PDE4B: variants seen among roughly 807,000 people sequenced by gnomAD.
PDE4B encodes the protein 3',5'-cyclic-AMP phosphodiesterase 4B.
A neutral mutation model predicts 82.2 loss-of-function variants in PDE4B; 20 were observed. That is an observed-to-expected ratio of 0.24 (90% CI 0.17 to 0.35). The LOEUF (loss-of-function observed/expected upper bound fraction) is 0.35. PDE4B is among the 10% of genes least tolerant of loss of function. PDE4B has a pLI of 1.00. For missense variants in PDE4B, 655 were observed against 907.2 expected, an observed-to-expected ratio of 0.72 and a Z score of 3.57; for synonymous variants, 320 against 318.9, an observed-to-expected ratio of 1.00 and a Z score of -0.04.
At chr1:66,006,378 T>C (rs1321120710) in intron 3 of PDE4B, among the ~76,000 whole-genome samples, 2 of 152,198 alleles carry the variant, frequency 1.3e-5, no homozygotes, top group African/African-American at 4.8e-5. Flanking sequence ...CAAGGAGCTT[T>C]AATCTGGGTA....
intron 7 of PDE4B, among the ~76,000 whole-genome samples, chr1:66,331,342 A>T (rs982223525): frequency 2.6e-5 from 4 of 152,226 alleles, no homozygotes; most frequent in Non-Finnish European, 5.9e-5. Context: ...TCTCAAAAAC[A>T]GTCGTGTATA....
chr1:65,793,465 T>C (rs1645596908), intron 1 of PDE4B, among the ~76,000 whole-genome samples: 1 of 152,214 alleles, frequency 6.6e-6, no homozygotes. Flanking sequence ...TCATCTTCTC[T>C]GCTTCGGCTT....
chr1:66,057,122 T>A (rs1397646208), intron 3 of PDE4B, among the ~76,000 whole-genome samples: 1 of 152,204 alleles, frequency 6.6e-6, no homozygotes, highest in African/African-American at 2.4e-5. Flanking sequence ...CAAATTTATT[T>A]ATAGGAGTCC....
chr1:66,352,299 G>A (rs543494302), intron 8 of PDE4B, among the ~76,000 whole-genome samples: 20 of 152,186 alleles, frequency 1.3e-4, no homozygotes, highest in Non-Finnish European at 1.6e-4. Context: ...ATTAGTTTAA[G>A]CCTGGGAAGG....
chr1:65,951,636 A>G (rs142689303), intron 3 of PDE4B, among the ~76,000 whole-genome samples: 44 of 152,202 alleles, frequency 2.9e-4, no homozygotes, highest in African/African-American at 1.0e-3. Context: ...CTCCACAACT[A>G]CTTGAAAAAT....
chr1:65,990,513 G>C (rs1313632924), intron 3 of PDE4B, among the ~76,000 whole-genome samples: 1 of 152,034 alleles, frequency 6.6e-6, no homozygotes, highest in Admixed American at 6.6e-5. Context: ...CTGGAGGAAA[G>C]TCCCAGCTTT....
At chr1:66,107,005 T>C (rs1645376656) in intron 3 of PDE4B, among the ~76,000 whole-genome samples, 1 of 148,962 alleles carries the variant, frequency 6.7e-6, no homozygotes, top group Non-Finnish European at 1.5e-5. Context: ...GCTCTTGCTT[T>C]TCTAGTTCTT....
At chr1:65,857,277 A>G (rs1646404027) in intron 1 of PDE4B, among the ~76,000 whole-genome samples, 1 of 152,150 alleles carries the variant, frequency 6.6e-6, no homozygotes. Flanking sequence ...GCCCTATACA[A>G]AGTAGTCTCA....
chr1:65,823,593 A>G (rs555074213), intron 1 of PDE4B, among the ~76,000 whole-genome samples: 74 of 152,080 alleles, frequency 4.9e-4, no homozygotes, highest in African/African-American at 1.8e-3. Context: ...CTGAGCATCC[A>G]GTCTCCCCAC....
At chr1:65,926,576 TA>T (rs377342738) in intron 3 of PDE4B, among the ~76,000 whole-genome samples, 19 of 152,346 alleles carry the variant, frequency 1.2e-4, no homozygotes, top group African/African-American at 4.1e-4. Flanking sequence ...TTATTTTATG[TA>T]GTAGATATTA....
chr1:66,240,418 C>G (rs1262404340), intron 3 of PDE4B, among the ~76,000 whole-genome samples: 2 of 152,162 alleles, frequency 1.3e-5, no homozygotes, highest in Non-Finnish European at 2.9e-5. Flanking sequence ...TTTACCACTA[C>G]CTGTATCTGA....
Position 66,367,951 on chromosome 1 carries a change from A to G in PDE4B, c.1548A>G (p.Ala516=). ...TTTTCTTTTTACCCAAGGTGTTAGC[A>G]ACTGATATGTCTAAACATATGAGCC... ...LRKMVIDMVL[A]TDMSKHMSLL... is the part of the protein sequence containing the mutation. Residue 516 remains alanine (A), a synonymous_variant, in exon 15 of 17, where the codon GCA becomes GCG. Coordinates refer to ENST00000341517, the MANE Select transcript of PDE4B (RefSeq NM_002600.4). 6.2e-7 allele frequency: 1 copy of G among 1,613,604 alleles called. No individual in the cohort carries two copies. The highest frequency in any genetic ancestry group is 8.5e-7 in the Non-Finnish European group (1 of 1,179,726).
intron 1 of PDE4B, among the ~76,000 whole-genome samples, chr1:65,896,154 C>G (rs1312467103): frequency 6.6e-6 from 1 of 151,772 alleles, no homozygotes; most frequent in Non-Finnish European, 1.5e-5. Context: ...AAAGACATAC[C>G]TGAGACTGGA....
intron 3 of PDE4B, among the ~76,000 whole-genome samples, chr1:66,115,388 A>G (rs1645575086): frequency 6.6e-6 from 1 of 152,118 alleles, no homozygotes; most frequent in Non-Finnish European, 1.5e-5. Flanking sequence ...ATTGAGACTC[A>G]CTATGATAGA....
intron 3 of PDE4B, among the ~76,000 whole-genome samples, chr1:66,215,806 T>C (rs1219415157): frequency 6.6e-6 from 1 of 152,100 alleles, no homozygotes; most frequent in Non-Finnish European, 1.5e-5. Flanking sequence ...GAGTTAGGCC[T>C]TGAAAGGAGA....
chr1:65,910,329 T>C (rs966861876), intron 1 of PDE4B, among the ~76,000 whole-genome samples: 4 of 152,180 alleles, frequency 2.6e-5, no homozygotes, highest in Non-Finnish European at 5.9e-5. Context: ...CTTGCCGACC[T>C]TTTCTCAAAG....
chr1:65,861,060 C>T (rs1047336917), intron 1 of PDE4B, among the ~76,000 whole-genome samples: 5 of 152,124 alleles, frequency 3.3e-5, no homozygotes, highest in African/African-American at 1.2e-4. Flanking sequence ...AATTAGATCC[C>T]TTTTGTCAAT....
intron 3 of PDE4B, among the ~76,000 whole-genome samples, chr1:66,149,565 C>G (rs1004211852): frequency 6.6e-6 from 1 of 152,144 alleles, no homozygotes; most frequent in Non-Finnish European, 1.5e-5. Flanking sequence ...CTTTCTTCTG[C>G]AACTTAAGGT....
chr1:65,850,442 G>A (rs548491335), intron 1 of PDE4B, among the ~76,000 whole-genome samples: 3 of 152,180 alleles, frequency 2.0e-5, no homozygotes, highest in African/African-American at 7.2e-5. Flanking sequence ...GTGTAGAATG[G>A]TGTAGTGAAC....
Sources: gnomAD v4.1 joint callset for allele counts (sites outside exome capture counted in the v4.1 genomes callset) on GRCh38, gnomAD v4.1.1 for gene constraint, MANE v1.5 for transcripts, NCBI Gene and HGNC (gene_info 2026-07-23, HGNC 2026-07-21) for gene names.